The following RASGRF2 variants were observed in gnomAD, a reference collection of about 807,000 sequenced individuals.
The protein encoded by RASGRF2 is Ras protein specific guanine nucleotide releasing factor 2, also known as ras-specific guanine nucleotide-releasing factor 2.
A neutral mutation model predicts 151.0 loss-of-function variants in RASGRF2; 76 were observed. The ratio of observed to expected loss-of-function variants is 0.50; its 90% confidence interval spans 0.42 to 0.61. The LOEUF is 0.61. RASGRF2 is among the 20% of genes least tolerant of loss of function. The pLI is 0.00. For missense variants in RASGRF2, 1,148 were observed against 1,564.6 expected (o/e 0.73, Z 4.49); for synonymous variants, 504 against 566.5 (o/e 0.89, Z 1.57).
intron 3 of RASGRF2, chr5:81,070,205 G>A (rs978655711): frequency 1.7e-5 from 6 of 353,068 alleles, no homozygotes; most frequent in African/African-American, 1.3e-4. Flanking sequence ...GTCTTGGCGG[G>A]CTCACCACTG....
At chr5:81,076,586 C>A (rs1043580808) in intron 5 of RASGRF2, among the ~76,000 whole-genome samples, 3 of 141,664 alleles carry the variant, frequency 2.1e-5, no homozygotes, top group South Asian at 2.3e-4. Flanking sequence ...GCTGATGGGG[C>A]AGATGGGAGG....
intron 2 of RASGRF2, among the ~76,000 whole-genome samples, chr5:81,053,750 A>C (rs1170854184): frequency 1.3e-5 from 2 of 152,138 alleles, no homozygotes; most frequent in African/African-American, 4.8e-5. Flanking sequence ...CAACAATGTA[A>C]AAGTGTTTCT....
chr5:81,001,474 G>A (rs1052274840), intron 1 of RASGRF2, among the ~76,000 whole-genome samples: 22 of 151,800 alleles, frequency 1.4e-4, no homozygotes, highest in Admixed American at 1.2e-3. Context: ...ATGTAAGTAT[G>A]TCTGTTTTCA....
intron 17 of RASGRF2, among the ~76,000 whole-genome samples, chr5:81,161,569 AG>A (rs1467882967): frequency 6.6e-6 from 1 of 152,212 alleles, no homozygotes; most frequent in African/African-American, 2.4e-5. Context: ...TAGAATCTTC[AG>A]GAGCAAGAGG....
At chr5:81,122,471 G>A (rs890277060) in intron 15 of RASGRF2, among the ~76,000 whole-genome samples, 8 of 151,994 alleles carry the variant, frequency 5.3e-5, no homozygotes, top group Admixed American at 2.6e-4. Context: ...TCCTTTTCCT[G>A]GCCCCTTTGT....
At chr5:80,964,955 C>T (rs1747677677) in intron 1 of RASGRF2, among the ~76,000 whole-genome samples, 1 of 152,022 alleles carries the variant, frequency 6.6e-6, no homozygotes, top group Non-Finnish European at 1.5e-5. Flanking sequence ...AAAAAGCCAC[C>T]TTGATTCTTA....
intron 1 of RASGRF2, among the ~76,000 whole-genome samples, chr5:81,009,123 C>T (rs1749371476): frequency 6.6e-6 from 1 of 152,206 alleles, no homozygotes; most frequent in Admixed American, 6.5e-5. Context: ...GATTGTCCTG[C>T]CTCTTTCAGC....
At chr5:81,148,168 AAC>A (rs1452695715) in intron 17 of RASGRF2, among the ~76,000 whole-genome samples, 5 of 152,224 alleles carry the variant, frequency 3.3e-5, no homozygotes, top group Non-Finnish European at 7.3e-5. Flanking sequence ...CAGTTGAAGG[AAC>A]AGGCTCAGTG....
At chr5:81,166,122 C>T (rs73768028) in intron 17 of RASGRF2, among the ~76,000 whole-genome samples, 1,968 of 152,200 alleles carry the variant, frequency 0.013, 17 homozygotes, top group Middle Eastern at 0.041. Flanking sequence ...ACACCCAGGA[C>T]CAAAGCACCA....
At chr5:81,153,936 C>CAA (rs556291739) in intron 17 of RASGRF2, among the ~76,000 whole-genome samples, 6,029 of 125,450 alleles carry the variant, frequency 0.048, 449 homozygotes, top group African/African-American at 0.16. Context: ...ACTGTAAGAC[C>CAA]AAAAAAAAAA....
At chr5:81,180,044 C>T (rs925488615) in intron 17 of RASGRF2, 131 bp from the exon 18 acceptor site, 3 of 618,102 alleles carry the variant, frequency 4.9e-6, no homozygotes, top group African/African-American at 3.6e-5. Flanking sequence ...AGTCTGAAGC[C>T]ACGCGCACCT....
At chr5:81,058,111 A>G (rs1751289228) in intron 2 of RASGRF2, among the ~76,000 whole-genome samples, 1 of 152,052 alleles carries the variant, frequency 6.6e-6, no homozygotes. Context: ...TTTTATTCCC[A>G]TATATATCCT....
At chr5:81,056,219 T>TA (rs1316271972) in intron 2 of RASGRF2, among the ~76,000 whole-genome samples, 2 of 152,218 alleles carry the variant, frequency 1.3e-5, no homozygotes, top group African/African-American at 4.8e-5. Context: ...ATTGTGATGT[T>TA]AGGGTGTCAG....
chr5:80,991,191 C>A (rs1748638975), intron 1 of RASGRF2, among the ~76,000 whole-genome samples: 1 of 152,042 alleles, frequency 6.6e-6, no homozygotes, highest in Admixed American at 6.5e-5. Context: ...GTCTGTAATC[C>A]CAGCACTTTG....
chr5:81,102,218 A>G (rs1284515299), intron 12 of RASGRF2, among the ~76,000 whole-genome samples: 4 of 152,188 alleles, frequency 2.6e-5, no homozygotes, highest in African/African-American at 9.6e-5. Flanking sequence ...GAGTATTAAC[A>G]TATAAAGAGG....
Position 81,177,927 on chromosome 5 carries a change from C to G in RASGRF2, c.2687-2248C>G, listed in dbSNP as rs150491555. Among the ~76,000 whole-genome samples the G allele has an allele frequency of 1.9e-3, 296 of 152,274 alleles. 1 individual carries two copies. The highest frequency in any genetic ancestry group is 7.0e-3 in the African/African-American group (292 of 41,564). On this transcript the variant is annotated intron_variant, in intron 17 of 26. Coordinates refer to ENST00000265080, the MANE Select transcript of RASGRF2 (RefSeq NM_006909.3). ...GAAGAAGGAGAGAAAAATATGGTTT[C>G]AGAAAAGACTGAGAGGAGCTAGGGC...
chr5:80,983,905 T>G (rs142741734), intron 1 of RASGRF2, among the ~76,000 whole-genome samples: 1,645 of 152,300 alleles, frequency 0.011, 18 homozygotes, highest in Admixed American at 0.013. Context: ...ATGTGGCCAC[T>G]AGCAAATTCA....
intron 2 of RASGRF2, among the ~76,000 whole-genome samples, chr5:81,050,459 C>T (rs1379235057): frequency 1.3e-5 from 2 of 152,116 alleles, no homozygotes; most frequent in African/African-American, 4.8e-5. Flanking sequence ...TATTGCTTCC[C>T]TACCCAATGC....
intron 2 of RASGRF2, among the ~76,000 whole-genome samples, chr5:81,043,853 G>A (rs453039): frequency 0.022 from 3,380 of 152,180 alleles, 66 homozygotes; most frequent in African/African-American, 0.04. Context: ...TACCACTCCC[G>A]CCCTGAGACA....
Sources: gnomAD v4.1 joint callset for allele counts (sites outside exome capture counted in the v4.1 genomes callset) on GRCh38, gnomAD v4.1.1 for gene constraint, MANE v1.5 for transcripts, NCBI Gene and HGNC (gene_info 2026-07-23, HGNC 2026-07-21) for gene names.